TREML1: variants seen among roughly 807,000 people sequenced by gnomAD.
TREML1 encodes trem-like transcript 1 protein.
Under a neutral mutation model 22.8 loss-of-function variants are expected in TREML1, and 27 were observed. The ratio of observed to expected loss-of-function variants is 1.19; its 90% CI spans 0.87 to 1.64. The LOEUF (loss-of-function observed/expected upper bound fraction) is 1.64, where lower values mean the gene tolerates loss of function less well. Among genes scored for constraint, TREML1 ranks in the 40% most tolerant of loss-of-function variants. The pLI is 0.00. For synonymous variants in TREML1, 153 were observed against 161.9 expected (o/e 0.94, Z 0.42); for missense variants, 356 against 382.0 (o/e 0.93, Z 0.57).
chr6:41,149,895 G>T lies in TREML1; in HGVS notation c.645C>A (p.His215Gln). ...CAGCAGCCGGTCCAGAGTCACTGAC[G>T]TGGTGGACCACTGAGGAGGGATTCT... Reference protein sequence around the residue: ...SGMNPSSVVHHVSDSGPAAEL... With the variant: ...SGMNPSSVVHQVSDSGPAAEL... Residue 215 changes from histidine to glutamine, a missense_variant, in exon 6 of 6, where the codon CAC becomes CAA. Transcript: ENST00000426005. 6.2e-7 allele frequency: 1 copy of T among 1,613,762 alleles called. No homozygotes were observed. Among genetic ancestry groups the T allele is most frequent in the Non-Finnish European group, 8.5e-7 (1 of 1,179,848 alleles).
At chr6:41,153,406 T>G (rs893258663) in intron 2 of TREML1, among the ~76,000 whole-genome samples, 1 of 151,752 alleles carries the variant, frequency 6.6e-6, no homozygotes, top group Non-Finnish European at 1.5e-5. Flanking sequence ...TAATTCTGGT[T>G]TTATACACTC....
chr6:41,151,249 C>T lies in TREML1; in HGVS notation c.479+33G>A, dbSNP rs776960533. On this transcript the variant is annotated intron_variant, in intron 3 of 5. Transcript: ENST00000426005. ...AGTCATTGTCTCCACCACCACCCTT[C>T]TCCTGGCCTCCCAAATCCAATCCTG... The T allele has an allele frequency of 8.2e-6, 13 of 1,584,056 alleles. No individual in the cohort carries two copies. The South Asian group carries it at 1.2e-4, about 15-fold the overall frequency.
At chr6:41,151,537 G>A in intron 2 of TREML1, 153 bp from the exon 3 acceptor site, 2 of 652,754 alleles carry the variant, frequency 3.1e-6, no homozygotes, top group East Asian at 5.4e-5. Flanking sequence ...GGGAGGCTGG[G>A]ATGTTCTTTA....
At position 41,149,689 on chromosome 6, in the gene TREML1, AC is replaced by A; in HGVS notation, c.850del (p.Val284Ter). On this transcript the variant is annotated frameshift_variant, in exon 6 of 6. Transcript: ENST00000426005. LOFTEE classifies it low-confidence loss of function (END_TRUNC). ...ACCCTTGTTCCCTCCCGGGAAGATT[AC>A]TGTGGCATATGTCACAGGCTTGGAG... ...VCSKPVTYAT[V>X]IFPGGNKGGG... is the part of the protein sequence containing the mutation. The A allele has an allele frequency of 6.2e-7, 1 of 1,614,156 alleles. No homozygotes were observed. Among genetic ancestry groups the A allele is most frequent in the Middle Eastern group, 1.6e-4 (1 of 6,062 alleles).
At chr6:41,155,375 T>TTC (rs3049085), upstream of TREML1, among the ~76,000 whole-genome samples, 18,211 of 136,736 alleles carry the variant, frequency 0.13, 1,294 homozygotes, top group East Asian at 0.33. Context: ...GAGTAAACGT[T>TTC]TCTCTCTCTC....
chr6:41,154,312 C>G lies in TREML1; in HGVS notation c.-24G>C. 6.2e-7 allele frequency: 1 copy of G among 1,606,062 alleles called. No individual in the cohort carries two copies. ...ATGGCTGGGCAGAGAAATGTCAACT[C>G]CTGGGCTTGCCTGGGCACTGATGCA... is the stretch of plus-strand genomic sequence containing the variant. On this transcript the variant is annotated 5_prime_UTR_variant, in exon 1 of 6. Coordinates refer to ENST00000426005, the MANE Select transcript of TREML1 (RefSeq NM_178174.4).
chr6:41,150,769 T>C, intron 4 of TREML1, 50 bp downstream of exon 4: 1 of 1,541,538 alleles, frequency 6.5e-7, no homozygotes. Context: ...GCACAACTGG[T>C]TGATACTGGA....
At chr6:41,154,853 T>A (rs1000993802), upstream of TREML1, among the ~76,000 whole-genome samples, 7 of 152,212 alleles carry the variant, frequency 4.6e-5, no homozygotes, top group East Asian at 1.3e-3. Context: ...TCCATCTGGA[T>A]CCACATTCTT....
chr6:41,154,879 A>G (rs901412202), upstream of TREML1, among the ~76,000 whole-genome samples: 13 of 152,276 alleles, frequency 8.5e-5, no homozygotes, highest in African/African-American at 3.1e-4. Flanking sequence ...CTGGGAAACA[A>G]ATTCTTACTT....
upstream of TREML1, among the ~76,000 whole-genome samples, chr6:41,154,566 A>T (rs1765373468): frequency 1.3e-5 from 2 of 152,136 alleles, no homozygotes; most frequent in African/African-American, 4.8e-5. Flanking sequence ...AGATGGGAGG[A>T]TTGTGACAAT....
At chr6:41,155,110 A>G (rs944110263), upstream of TREML1, among the ~76,000 whole-genome samples, 1 of 152,050 alleles carries the variant, frequency 6.6e-6, no homozygotes, top group Non-Finnish European at 1.5e-5. Context: ...TTTAATTTAC[A>G]AGACAAGATA....
chr6:41,151,362 C>G lies in TREML1; in HGVS notation c.399G>C (p.Lys133Asn). 1 of 1,614,168 alleles carries G rather than the reference C, an allele frequency of 6.2e-7. No individual in the cohort carries two copies. The highest frequency in any genetic ancestry group is 1.6e-4 in the Middle Eastern group (1 of 6,062). The change falls in exon 3 of 6, where the codon AAG becomes AAC. Residue 133 changes from lysine to asparagine, a missense_variant. Coordinates refer to ENST00000426005, the MANE Select transcript of TREML1 (RefSeq NM_178174.4). ...ATGCGTTCTCAGCCAGACTGCCAAT[C>G]TTATGGGTCTCTTCTTCTTCCTCTG... ...LPPEEEEETH[K>N]IGSLAENAFS...
chr6:41,154,326 G>A lies in TREML1; in HGVS notation c.-38C>T, dbSNP rs1373319396. ...AAATGTCAACTCCTGGGCTTGCCTGGGCACTGATGCAGCATTCGCCTGAGG... is the reference window on the plus strand; with the variant it reads ...AAATGTCAACTCCTGGGCTTGCCTGAGCACTGATGCAGCATTCGCCTGAGG... On this transcript the variant is annotated 5_prime_UTR_variant, in exon 1 of 6. Transcript: ENST00000426005. 2 of 1,593,022 alleles carry A rather than the reference G, an allele frequency of 1.3e-6. No individual in the cohort carries two copies. The highest frequency in any genetic ancestry group is 1.7e-6 in the Non-Finnish European group (2 of 1,161,590).
At position 41,149,878 on chromosome 6, in the gene TREML1, G is replaced by C; in HGVS notation, c.662C>G (p.Pro221Arg). The C allele has an allele frequency of 1.2e-6, 2 of 1,614,020 alleles. No homozygotes were observed. The highest frequency in any genetic ancestry group is 1.1e-5 in the South Asian group (1 of 91,080). Residue 221 changes from proline to arginine, a missense_variant, in exon 6 of 6, where the codon CCG becomes CGG. By Grantham distance (103) the Pro-to-Arg change is moderately radical. Transcript: ENST00000426005. The part of the protein sequence containing the change: ...SVVHHVSDSG[P>R]AAELPLDVPH... Reference sequence around the variant, plus strand: ...TACATCCAAAGGCAATTCAGCAGCCGGTCCAGAGTCACTGACGTGGTGGAC... The same window carrying C: ...TACATCCAAAGGCAATTCAGCAGCCCGTCCAGAGTCACTGACGTGGTGGAC...
rs1463872491 is a variant in TREML1, at chr6:41,151,265, T to C, written c.479+17A>G. The C allele has an allele frequency of 1.2e-6, 2 of 1,611,780 alleles. No homozygotes were observed. Among genetic ancestry groups the C allele is most frequent in the African/African-American group, 2.7e-5 (2 of 74,878 alleles). ...ACCACCCTTCTCCTGGCCTCCCAAATCCAATCCTGTCAGTACCTCTTCTCA... is the reference window on the plus strand; with the variant it reads ...ACCACCCTTCTCCTGGCCTCCCAAACCCAATCCTGTCAGTACCTCTTCTCA... On this transcript the variant is annotated intron_variant, in intron 3 of 5. Coordinates refer to ENST00000426005, the MANE Select transcript of TREML1 (RefSeq NM_178174.4).
chr6:41,149,567 G>T lies in TREML1; in HGVS notation c.*37C>A. 1 of 1,574,786 alleles carries T rather than the reference G, an allele frequency of 6.4e-7. No homozygotes were observed. Among genetic ancestry groups the T allele is most frequent in the Non-Finnish European group, 8.6e-7 (1 of 1,157,210 alleles). On this transcript the variant is annotated 3_prime_UTR_variant, in exon 6 of 6. Coordinates refer to ENST00000426005, the MANE Select transcript of TREML1 (RefSeq NM_178174.4). ...GCTGGATGGATGCACAGAACCCCTA[G>T]GGATGGTCCTCATGAGTTTAAAGTG...
At chr6:41,151,540 G>C in intron 2 of TREML1, 156 bp from the exon 3 acceptor site, 2 of 636,794 alleles carry the variant, frequency 3.1e-6, no homozygotes, top group Non-Finnish European at 5.6e-6. Context: ...AGGCTGGGAT[G>C]TTCTTTAGGG....
At chr6:41,151,141 T>C (rs1232267103) in intron 3 of TREML1, 141 bp downstream of exon 3, 7 of 760,402 alleles carry the variant, frequency 9.2e-6, no homozygotes, top group Non-Finnish European at 1.6e-5. Flanking sequence ...AGTATGTATC[T>C]GTCTGTCTGT....
intron 2 of TREML1, among the ~76,000 whole-genome samples, chr6:41,152,358 C>T (rs1454820572): frequency 2.0e-5 from 3 of 152,142 alleles, no homozygotes; most frequent in Admixed American, 2.0e-4. Context: ...GGCCCAGGTC[C>T]CTGCCTCCCT....
Sources: allele counts gnomAD v4.1 joint callset (sites outside exome capture counted in the v4.1 genomes callset), GRCh38; gene constraint gnomAD v4.1.1; transcripts MANE v1.5; gene names NCBI Gene and HGNC (gene_info 2026-07-23, HGNC 2026-07-21).